Variants in DNAH8 observed in about 807,000 individuals in gnomAD.
DNAH8 encodes the protein dynein axonemal heavy chain 8, also known as axonemal beta dynein heavy chain 8.
In DNAH8, 382 loss-of-function variants were observed where a neutral mutation model predicts 562.1. That is an observed-to-expected ratio of 0.68 (90% CI 0.63 to 0.74). The LOEUF (loss-of-function observed/expected upper bound fraction) is 0.74. Among genes scored for constraint, DNAH8 ranks in the 30% least tolerant of loss-of-function variants. The probability of loss-of-function intolerance (pLI) is 0.00; values close to 1 mark genes in which losing one functional copy is unlikely to be tolerated. For missense variants in DNAH8, 5,203 were observed against 5,620.4 expected (o/e 0.93, Z 2.37); for synonymous variants, 1,881 against 1,919.4 (o/e 0.98, Z 0.52).
intron 76 of DNAH8, 62 bp from the exon 77 acceptor site, chr6:38,935,530 T>C (rs1202874378): frequency 1.1e-5 from 13 of 1,157,296 alleles, no homozygotes; most frequent in Non-Finnish European, 1.6e-5. Context: ...ACTAGTGAGT[T>C]GGGTTTACTG....
rs1476379780 is a variant in DNAH8, at chr6:38,722,834, G to T, written c.25G>T (p.Ala9Ser). 4 of 1,597,688 alleles carry T rather than the reference G, an allele frequency of 2.5e-6. No homozygotes were observed. In the East Asian group the frequency reaches 9.0e-5, roughly 36 times the overall value. The change falls in exon 2 of 93, where the codon GCC becomes TCC. Residue 9 changes from alanine (A) to serine (S), a missense_variant. Around this residue, in one of 6 missense-constraint regions of DNAH8, gnomAD observed 556 missense variants for 496.9 expected, o/e 1.12. Transcript: ENST00000327475. MEKDAEDG[A>S]PSEGAEAPPS... ...GATGGAGAAGGATGCTGAAGATGGC[G>T]CCCCTTCTGAGGGAGCAGAGGCTCC... is the stretch of plus-strand genomic sequence containing the variant.
At chr6:38,826,778 C>T (rs902058601) in intron 29 of DNAH8, among the ~76,000 whole-genome samples, 13 of 152,120 alleles carry the variant, frequency 8.5e-5, no homozygotes, top group Admixed American at 2.6e-4. Context: ...CACTCATGAA[C>T]GGTGGTGTAC....
Position 38,995,557 on chromosome 6 carries a change from C to T in DNAH8, c.13214+5385C>T, listed in dbSNP as rs192360739. Reference sequence around the variant, plus strand: ...TGATATCTTTCGTATTTCTCTGTCACCACTGCAGTCAATATTTTGTCAGTT... The same window carrying T: ...TGATATCTTTCGTATTTCTCTGTCATCACTGCAGTCAATATTTTGTCAGTT... On this transcript the variant is annotated intron_variant, in intron 88 of 92. Transcript: ENST00000327475. Among the ~76,000 whole-genome samples the T allele has an allele frequency of 1.9e-3, 293 of 152,294 alleles. 2 individuals are homozygous for T. The highest frequency in any genetic ancestry group is 6.8e-3 in the African/African-American group (282 of 41,554).
chr6:38,976,261 G>A (rs1032857347), intron 85 of DNAH8, among the ~76,000 whole-genome samples: 1 of 152,216 alleles, frequency 6.6e-6, no homozygotes, highest in Non-Finnish European at 1.5e-5. Flanking sequence ...TTCCCCATCT[G>A]TGCAGTTAGA....
chr6:38,743,119 G>A (rs1366066383), intron 8 of DNAH8, among the ~76,000 whole-genome samples: 1 of 143,798 alleles, frequency 7.0e-6, no homozygotes, highest in Non-Finnish European at 1.5e-5. Context: ...CCAGGCTTAA[G>A]CCATCCTCCC....
chr6:38,838,789 T>C (rs906786467), intron 33 of DNAH8, among the ~76,000 whole-genome samples: 3 of 152,254 alleles, frequency 2.0e-5, no homozygotes, highest in Admixed American at 6.5e-5. Context: ...AATAAGCTAA[T>C]TGATTATAAA....
At chr6:38,823,986 A>C (rs1268870820) in intron 28 of DNAH8, among the ~76,000 whole-genome samples, 5 of 152,176 alleles carry the variant, frequency 3.3e-5, no homozygotes, top group African/African-American at 7.2e-5. Context: ...ACACAGGACG[A>C]TTCCTCCACT....
chr6:38,873,304 A>G lies in DNAH8; in HGVS notation c.7548A>G (p.Glu2516=). Residue 2516 remains glutamate (E), a synonymous_variant, in exon 52 of 93, where the codon GAA becomes GAG. Coordinates refer to ENST00000327475, the MANE Select transcript of DNAH8 (RefSeq NM_001206927.2). ...VFLTLYEKVF[E]DTYTYMKLNL... ...TGACACTGTATGAGAAAGTCTTTGA[A>G]GATACATACACATATATGAAGCTAA... The G allele has an allele frequency of 6.2e-7, 1 of 1,613,868 alleles. No homozygotes were observed. Among genetic ancestry groups the G allele is most frequent in the South Asian group, 1.1e-5 (1 of 91,026 alleles).
At chr6:38,892,603 G>A (rs1332911383) in intron 58 of DNAH8, among the ~76,000 whole-genome samples, 1 of 152,060 alleles carries the variant, frequency 6.6e-6, no homozygotes, top group Admixed American at 6.6e-5. Context: ...CTGATAAGTG[G>A]TCCGATCACC....
In DNAH8 at chr6:38,849,229, C is replaced by T. The variant is rs114228946; in HGVS notation, c.5199+428C>T. On this transcript the variant is annotated intron_variant, in intron 37 of 92. Coordinates refer to ENST00000327475, the MANE Select transcript of DNAH8 (RefSeq NM_001206927.2). ...GCAGTACTATTATAGTAGTTCATGTCTTCTAAGAGTTAACCTCATAATATT... is the reference window on the plus strand; with the variant it reads ...GCAGTACTATTATAGTAGTTCATGTTTTCTAAGAGTTAACCTCATAATATT... Among the ~76,000 whole-genome samples, 765 of 152,204 alleles carry T rather than the reference C, an allele frequency of 5.0e-3. 6 individuals carry two copies. Among genetic ancestry groups the T allele is most frequent in the African/African-American group, 0.018 (742 of 41,552 alleles).
chr6:38,873,041 T>G lies in DNAH8; in HGVS notation c.7373T>G (p.Leu2458Arg). 1 of 1,614,158 alleles carries G rather than the reference T, an allele frequency of 6.2e-7. No homozygotes were observed. Among genetic ancestry groups the G allele is most frequent in the Non-Finnish European group, 8.5e-7 (1 of 1,180,006 alleles). The change falls in exon 51 of 93, where the codon CTT becomes CGT. Residue 2458 changes from leucine to arginine, a missense_variant. Physicochemically the swap from Leu to Arg is moderately radical, Grantham distance 102. Around this residue, in one of 6 missense-constraint regions of DNAH8, gnomAD observed 977 missense variants for 1,061.8 expected, o/e 0.92. Transcript: ENST00000327475. ...DRIPMAPSCK[L>R]LFEVHNIENA... Reference sequence around the variant, plus strand: ...ATTCCCATGGCCCCTAGTTGTAAGCTTCTGTTTGAAGTCCACAATATCGAG... The same window carrying G: ...ATTCCCATGGCCCCTAGTTGTAAGCGTCTGTTTGAAGTCCACAATATCGAG...
chr6:38,896,287 C>A, intron 60 of DNAH8, 62 bp downstream of exon 60: 1 of 1,351,160 alleles, frequency 7.4e-7, no homozygotes, highest in Non-Finnish European at 1.0e-6. Flanking sequence ...ATCTTTCTCT[C>A]TGCACCAGAG....
chr6:38,857,397 G>A, intron 41 of DNAH8, 121 bp from the exon 42 acceptor site: 1 of 647,470 alleles, frequency 1.5e-6, no homozygotes, highest in Middle Eastern at 2.7e-4. Flanking sequence ...TCCTTTGGGA[G>A]TGAAGAAATG....
intron 7 of DNAH8, 118 bp from the exon 8 acceptor site, chr6:38,741,593 A>T: frequency 2.5e-6 from 2 of 804,832 alleles, no homozygotes; most frequent in Non-Finnish European, 1.9e-6. Flanking sequence ...GAGAGTTTTT[A>T]AACATTATTT....
intron 1 of DNAH8, among the ~76,000 whole-genome samples, chr6:38,722,300 T>C (rs538411749): frequency 6.6e-6 from 1 of 152,190 alleles, no homozygotes; most frequent in Non-Finnish European, 1.5e-5. Context: ...ATGAACTGTA[T>C]TGCATTACAT....
intron 85 of DNAH8, among the ~76,000 whole-genome samples, chr6:38,977,857 A>G (rs1448311099): frequency 6.6e-6 from 1 of 152,146 alleles, no homozygotes; most frequent in African/African-American, 2.4e-5. Context: ...ATTATCTACA[A>G]TTGTCTTCTC....
At position 38,826,403 on chromosome 6, in the gene DNAH8, T is replaced by C. The variant is rs1202897114; in HGVS notation, c.4083+12T>C. ...TGGGACCAATTGAAGTAAGAAATGA[T>C]TGCATTTTTTTTTCTTGGAATGCTT... On this transcript the variant is annotated intron_variant, in intron 29 of 92. Transcript: ENST00000327475. 41 of 1,536,066 alleles carry C rather than the reference T, an allele frequency of 2.7e-5. No homozygotes were observed. Among genetic ancestry groups the C allele is most frequent in the Non-Finnish European group, 3.5e-5 (40 of 1,133,210 alleles).
intron 11 of DNAH8, among the ~76,000 whole-genome samples, chr6:38,762,094 CT>C (rs1562691044): frequency 6.6e-6 from 1 of 152,100 alleles, no homozygotes; most frequent in South Asian, 2.1e-4. Context: ...AAATTTTTGC[CT>C]TTTTTTGCAT....
chr6:39,027,645 T>A (rs1323770857), intron 92 of DNAH8, among the ~76,000 whole-genome samples: 1 of 152,078 alleles, frequency 6.6e-6, no homozygotes, highest in East Asian at 1.9e-4. Context: ...CTGGCCAATA[T>A]GGTGAAACCC....
Sources: allele counts gnomAD v4.1 joint callset (sites outside exome capture counted in the v4.1 genomes callset), GRCh38; gene constraint gnomAD v4.1.1; regional missense constraint gnomAD v4.1.1; transcripts MANE v1.5; gene names NCBI Gene and HGNC (gene_info 2026-07-23, HGNC 2026-07-21).